The following TSPAN12 variants were observed in gnomAD, a reference collection of about 807,000 sequenced individuals.
TSPAN12 encodes tetraspanin 12.
TSPAN12 carries 19 observed loss-of-function variants against 39.2 expected under a neutral mutation model. That is an observed-to-expected ratio of 0.49 (90% CI 0.34 to 0.71). The LOEUF (loss-of-function observed/expected upper bound fraction) is 0.71, where lower values mean the gene tolerates loss of function less well. Ranked by LOEUF, TSPAN12 falls within the 30% of genes least tolerant of loss-of-function variation. The probability of loss-of-function intolerance (pLI) is 0.01; values close to 1 mark genes in which losing one functional copy is unlikely to be tolerated. For synonymous variants in TSPAN12, 119 were observed against 124.8 expected, an observed-to-expected ratio of 0.95 and a Z score of 0.31; for missense variants, 314 against 359.9, an observed-to-expected ratio of 0.87 and a Z score of 1.03.
rs990392138 is a variant in TSPAN12, at chr7:120,848,812, C to T, written c.66+7886G>A. ...TGTCTGAGAACAGTTTCATCCTCAA[C>T]AAGTGAGGCTTTACTCACTGGGCTT... On this transcript the variant is annotated intron_variant, in intron 2 of 7. Transcript: ENST00000222747. Among the ~76,000 whole-genome samples the T allele has an allele frequency of 2.0e-5, 3 of 152,206 alleles. No individual in the cohort carries two copies. The East Asian group carries it at 5.8e-4, about 29-fold the overall frequency.
rs970317576 is a variant in TSPAN12 at position 120,799,452 on chromosome 7, T to C, written c.612+7097A>G. On this transcript the variant is annotated intron_variant, in intron 7 of 7. Coordinates refer to ENST00000222747, the MANE Select transcript of TSPAN12 (RefSeq NM_012338.4). Reference sequence around the variant, plus strand: ...TTATTTATATATAATTTAATTTATATATAATTTAATTACATAATTATTTTT... The same window carrying C: ...TTATTTATATATAATTTAATTTATACATAATTTAATTACATAATTATTTTT... Among the ~76,000 whole-genome samples the C allele has an allele frequency of 2.2e-5, 3 of 136,648 alleles. No individual in the cohort carries two copies. In the Admixed American group the frequency reaches 2.4e-4, roughly 11 times the overall value. The allele number at this position is 136,648 out of a possible 152,430, so 89.6% of individuals were successfully genotyped here. A position where few individuals can be genotyped will look rare whatever the true frequency, so the allele number is the denominator to read the frequency against.
intron 4 of TSPAN12, among the ~76,000 whole-genome samples, chr7:120,830,274 T>G (rs1162600109): frequency 6.6e-6 from 1 of 152,100 alleles, no homozygotes. Flanking sequence ...CCAATGTCAT[T>G]TTTTTACAGA....
At chr7:120,791,383 G>C (rs1282207846) in intron 7 of TSPAN12, among the ~76,000 whole-genome samples, 1 of 151,858 alleles carries the variant, frequency 6.6e-6, no homozygotes, top group African/African-American at 2.4e-5. Context: ...TTTCAGTTAG[G>C]AGGAATAAGT....
intron 7 of TSPAN12, among the ~76,000 whole-genome samples, chr7:120,791,521 C>T (rs1302204061): frequency 6.6e-6 from 1 of 152,144 alleles, no homozygotes; most frequent in Non-Finnish European, 1.5e-5. Flanking sequence ...CAGTCAATTA[C>T]TTGATTTTTA....
chr7:120,840,117 G>GA lies in TSPAN12; in HGVS notation c.67-9dup, dbSNP rs774111149. ...CACACTGATGGACATTAACTGGGGA[G>GA]AAAAAAGTACAAACCGGTTACCAAA... On this transcript the variant is annotated splice_polypyrimidine_tract_variant and intron_variant, in intron 2 of 7. Transcript: ENST00000222747. 2 of 1,608,584 alleles carry GA rather than the reference G, an allele frequency of 1.2e-6. No homozygotes were observed. The highest frequency in any genetic ancestry group is 2.2e-5 in the East Asian group (1 of 44,842).
chr7:120,788,943 A>G (rs925429172), intron 7 of TSPAN12, 46 bp from the exon 8 acceptor site: 1 of 1,597,044 alleles, frequency 6.3e-7, no homozygotes, highest in African/African-American at 1.3e-5. Context: ...TATGTTACAG[A>G]AGGCCAAAAA....
chr7:120,813,699 T>G (rs2116380453), intron 5 of TSPAN12, among the ~76,000 whole-genome samples: 1 of 152,250 alleles, frequency 6.6e-6, no homozygotes, highest in Admixed American at 6.5e-5. Context: ...GATCCAGAAC[T>G]AATGATAAGA....
At chr7:120,843,843 A>G (rs76383156) in intron 2 of TSPAN12, among the ~76,000 whole-genome samples, 7,472 of 152,218 alleles carry the variant, frequency 0.049, 553 homozygotes, top group East Asian at 0.32. Context: ...TTCTCCCTCT[A>G]CTTGGCTATA....
chr7:120,848,066 A>G (rs2116494095), intron 2 of TSPAN12, among the ~76,000 whole-genome samples: 1 of 152,244 alleles, frequency 6.6e-6, no homozygotes, highest in Non-Finnish European at 1.5e-5. Context: ...CCCAGTGCCT[A>G]TACATCTTCA....
intron 4 of TSPAN12, among the ~76,000 whole-genome samples, chr7:120,832,908 C>T (rs1007387759): frequency 7.2e-5 from 11 of 152,032 alleles, no homozygotes; most frequent in African/African-American, 2.7e-4. Flanking sequence ...TACCGAATGC[C>T]TTGGAGTGAT....
intron 4 of TSPAN12, among the ~76,000 whole-genome samples, chr7:120,832,061 C>T (rs1562948922): frequency 6.6e-6 from 1 of 151,918 alleles, no homozygotes; most frequent in Non-Finnish European, 1.5e-5. Flanking sequence ...AGTACAAATG[C>T]TGAATAATTT....
rs929126827 is a variant in TSPAN12, at chr7:120,839,947, A to G, written c.149+80T>C. 1.9e-5 allele frequency: 22 copies of G among 1,153,208 alleles called. No individual in the cohort carries two copies. In the African/African-American group the frequency reaches 2.6e-4, roughly 14 times the overall value. The allele number at this position is 1,153,208 out of a possible 1,614,324, so 71.4% of individuals were successfully genotyped here. A position where few individuals can be genotyped will look rare whatever the true frequency, so the allele number is the denominator to read the frequency against. ...AAACTTTTCCAAAAGATCAAGGAAGAGCACTACCATATAAATAGCTGAGGG... is the reference window on the plus strand; with the variant it reads ...AAACTTTTCCAAAAGATCAAGGAAGGGCACTACCATATAAATAGCTGAGGG... On this transcript the variant is annotated intron_variant, in intron 3 of 7. Transcript: ENST00000222747.
chr7:120,788,679 T>C lies in TSPAN12; in HGVS notation c.831A>G (p.Glu277=). The C allele has an allele frequency of 6.2e-7, 1 of 1,614,132 alleles. No individual in the cohort carries two copies. Among genetic ancestry groups the C allele is most frequent in the Non-Finnish European group, 8.5e-7 (1 of 1,179,990 alleles). The part of the protein sequence containing the change: ...NSQHLSCPSV[E]LLKPSLSRIF... ...TTCTTGACAGGCTTGGTTTCAACAG[T>C]TCTACTGAGGGACATGACAGGTGCT... The change falls in exon 8 of 8, where the codon GAA becomes GAG. Residue 277 remains glutamate (E), a synonymous_variant. Coordinates refer to ENST00000222747, the MANE Select transcript of TSPAN12 (RefSeq NM_012338.4).
intron 7 of TSPAN12, among the ~76,000 whole-genome samples, chr7:120,804,008 T>C (rs1430436159): frequency 6.6e-6 from 1 of 152,122 alleles, no homozygotes; most frequent in East Asian, 1.9e-4. Context: ...TATGGGAAGA[T>C]CCGGTAAGTT....
chr7:120,799,171 A>AT (rs969843047), intron 7 of TSPAN12, among the ~76,000 whole-genome samples: 1 of 151,646 alleles, frequency 6.6e-6, no homozygotes, highest in African/African-American at 2.4e-5. Flanking sequence ...CTTGCCCCTA[A>AT]TTTTTTGTTT....
chr7:120,806,840 A>G (rs1793885351), intron 6 of TSPAN12, 148 bp from the exon 7 acceptor site: 7 of 1,018,528 alleles, frequency 6.9e-6, no homozygotes, highest in South Asian at 5.7e-5. Flanking sequence ...TGTTGATGAT[A>G]GAAATGTAGT....
At chr7:120,796,068 C>CA (rs10717251) in intron 7 of TSPAN12, among the ~76,000 whole-genome samples, 25 of 151,972 alleles carry the variant, frequency 1.6e-4, no homozygotes, top group Admixed American at 1.2e-3. Context: ...TCATTTTTAC[C>CA]AAAAAAAATG....
chr7:120,806,763 T>G (rs1793883071), intron 6 of TSPAN12, 71 bp from the exon 7 acceptor site: 1 of 1,595,472 alleles, frequency 6.3e-7, no homozygotes, highest in South Asian at 1.1e-5. Flanking sequence ...AGATTAAACA[T>G]CAGTTTTTTA....
At chr7:120,846,939 A>G (rs1391562403) in intron 2 of TSPAN12, among the ~76,000 whole-genome samples, 1 of 152,222 alleles carries the variant, frequency 6.6e-6, no homozygotes, top group Admixed American at 6.5e-5. Flanking sequence ...CTGGTCAGAA[A>G]GAACAAAGGC....
Sources: gnomAD v4.1 joint callset for allele counts (sites outside exome capture counted in the v4.1 genomes callset) on GRCh38, gnomAD v4.1.1 for gene constraint, MANE v1.5 for transcripts, NCBI Gene and HGNC (gene_info 2026-07-23, HGNC 2026-07-21) for gene names.